The following JMY variants were observed in gnomAD, a reference collection of about 807,000 sequenced individuals.
The protein encoded by JMY is junction-mediating and -regulatory protein.
JMY carries 46 observed loss-of-function variants against 103.3 expected under a neutral mutation model. That is an observed-to-expected ratio of 0.45 (90% CI 0.35 to 0.57). JMY has a LOEUF of 0.57. JMY is among the 20% of genes least tolerant of loss of function. JMY has a pLI of 0.00. For missense variants in JMY, 1,238 were observed against 1,255.2 expected (o/e 0.99, Z 0.21); for synonymous variants, 526 against 489.3 (o/e 1.07, Z -0.99).
intron 2 of JMY, among the ~76,000 whole-genome samples, chr5:79,280,974 AGTT>A (rs1746088987): frequency 6.6e-6 from 1 of 151,202 alleles, no homozygotes; most frequent in Non-Finnish European, 1.5e-5. Context: ...TTAGCAAAGT[AGTT>A]GTTTTAAGTA....
At chr5:79,265,652 C>T (rs951136558) in intron 1 of JMY, among the ~76,000 whole-genome samples, 2 of 152,136 alleles carry the variant, frequency 1.3e-5, no homozygotes, top group African/African-American at 2.4e-5. Flanking sequence ...GGGCTTACTG[C>T]TTATTAGAAT....
rs756046634 is a variant in JMY, at chr5:79,278,014, C to G, written c.1137C>G (p.Leu379=). ...GCCTTGCAGAAGCTACAACCGAACT[C>G]TATCAGTATTTACTACAGCCATTCC... ...YSSLAEATTE[L]YQYLLQPFRD... The change falls in exon 2 of 11, where the codon CTC becomes CTG. Residue 379 remains leucine (L), a synonymous_variant. Coordinates refer to ENST00000396137, the MANE Select transcript of JMY (RefSeq NM_152405.5). 20 of 1,613,944 alleles carry G rather than the reference C, an allele frequency of 1.2e-5. No homozygotes were observed. Among genetic ancestry groups the G allele is most frequent in the Non-Finnish European group, 1.7e-5 (20 of 1,179,982 alleles).
intron 8 of JMY, among the ~76,000 whole-genome samples, chr5:79,313,769 A>G (rs763199602): frequency 6.6e-6 from 1 of 152,146 alleles, no homozygotes; most frequent in Non-Finnish European, 1.5e-5. Context: ...CGTGGATTTG[A>G]TAGGCAAATA....
At position 79,322,899 on chromosome 5, in the gene JMY, A is replaced by AT. The variant is rs1178923097; in HGVS notation, c.*1299dup. The AT allele has an allele frequency of 6.6e-6, 1 of 152,222 alleles. No individual in the cohort carries two copies. Among genetic ancestry groups the AT allele is most frequent in the Non-Finnish European group, 1.5e-5 (1 of 68,048 alleles). The allele number at this position is 152,222 out of a possible 1,614,324, so 9.4% of individuals were successfully genotyped here. Reference sequence around the variant, plus strand: ...AAATCACTTTATTTCTTTTAAGACAATTATCTGGCCTAAACCCAGAAAGCA... The same window carrying AT: ...AAATCACTTTATTTCTTTTAAGACAATTTATCTGGCCTAAACCCAGAAAGCA... On this transcript the variant is annotated 3_prime_UTR_variant, in exon 11 of 11. Coordinates refer to ENST00000396137, the MANE Select transcript of JMY (RefSeq NM_152405.5).
chr5:79,277,951 T>C lies in JMY; in HGVS notation c.1074T>C (p.Leu358=), dbSNP rs199532823. The C allele has an allele frequency of 1.0e-4, 168 of 1,614,008 alleles. 2 individuals are homozygous for C. In the African/African-American group the frequency reaches 2.1e-3, roughly 20 times the overall value. Reference sequence around the variant, plus strand: ...AGAATACAGAGAGCATGGTGGAGCTTCTGGACTTGTATCAGATGGAGGATG... The same window carrying C: ...AGAATACAGAGAGCATGGTGGAGCTCCTGGACTTGTATCAGATGGAGGATG... ...KHKNTESMVE[L]LDLYQMEDEA... The change falls in exon 2 of 11, where the codon CTT becomes CTC. Residue 358 remains leucine (L), a synonymous_variant. Coordinates refer to ENST00000396137, the MANE Select transcript of JMY (RefSeq NM_152405.5).
chr5:79,312,596 G>T, intron 8 of JMY, 98 bp downstream of exon 8: 2 of 570,604 alleles, frequency 3.5e-6, no homozygotes, highest in Non-Finnish European at 5.8e-6. Context: ...GAAAAACTTG[G>T]TTTTCCCTTA....
intron 1 of JMY, among the ~76,000 whole-genome samples, chr5:79,252,547 C>T (rs528394238): frequency 7.2e-5 from 11 of 152,182 alleles, no homozygotes; most frequent in African/African-American, 1.9e-4. Flanking sequence ...ATCTGTCCTG[C>T]GCTGAAAGTG....
chr5:79,312,388 T>C lies in JMY; in HGVS notation c.1969-15T>C. The C allele has an allele frequency of 6.9e-7, 1 of 1,447,866 alleles. No homozygotes were observed. 89.7% of individuals were successfully genotyped at this position (1,447,866 alleles called of 1,614,324 possible). A position where few individuals can be genotyped will look rare whatever the true frequency, so the allele number is the denominator to read the frequency against. ...GGGACACAGCATAATGGAATTATTA[T>C]TAATTTTTTACCAGAAGAGAGAAAA... is the stretch of plus-strand genomic sequence containing the variant. On this transcript the variant is annotated splice_polypyrimidine_tract_variant and intron_variant, in intron 7 of 10. Transcript: ENST00000396137.
At position 79,270,419 on chromosome 5, in the gene JMY, A is replaced by G. The variant is rs187394953; in HGVS notation, c.1033-7491A>G. ...ATATATTTACATAAATATTTAAAAT[A>G]TATATTTACATAAATATTTAAAATA... On this transcript the variant is annotated intron_variant, in intron 1 of 10. Transcript: ENST00000396137. Among the ~76,000 whole-genome samples, 285 of 46,412 alleles carry G rather than the reference A, an allele frequency of 6.1e-3. 38 individuals are homozygous for G. Among genetic ancestry groups the G allele is most frequent in the African/African-American group, 0.023 (254 of 11,156 alleles). 30.4% of individuals were successfully genotyped at this position (46,412 alleles called of 152,430 possible).
chr5:79,326,145 G>C lies in JMY; in HGVS notation c.*4543G>C, dbSNP rs1367578926. ...ATGTTATTTCACACTGAATCTCAAA[G>C]CAGTCATTTGTTTTGCGGGTTAGGG... On this transcript the variant is annotated 3_prime_UTR_variant, in exon 11 of 11. Coordinates refer to ENST00000396137, the MANE Select transcript of JMY (RefSeq NM_152405.5). 1.3e-5 allele frequency: 2 copies of C among 152,068 alleles called. No homozygotes were observed. Among genetic ancestry groups the C allele is most frequent in the East Asian group, 3.9e-4 (2 of 5,190 alleles). The allele number at this position is 152,068 out of a possible 1,614,324, so 9.4% of individuals were successfully genotyped here.
At chr5:79,300,940 C>G in intron 6 of JMY, 77 bp downstream of exon 6, 1 of 1,264,690 alleles carries the variant, frequency 7.9e-7, no homozygotes. Context: ...GTCTTTAAAA[C>G]TTGCTTATGT....
In JMY at chr5:79,258,337, G is replaced by T. The variant is rs1163217701; in HGVS notation, c.1033-19573G>T. Among the ~76,000 whole-genome samples, 114 of 134,280 alleles carry T rather than the reference G, an allele frequency of 8.5e-4. 1 individual carries two copies. Among genetic ancestry groups the T allele is most frequent in the African/African-American group, 2.9e-3 (108 of 37,288 alleles). The allele number at this position is 134,280 out of a possible 152,430, so 88.1% of individuals were successfully genotyped here. A position where few individuals can be genotyped will look rare whatever the true frequency, so the allele number is the denominator to read the frequency against. ...TTGTTTTTTTTTTTTTTTTGACAGG[G>T]TCTCCCTCTGGCTGGAGTACAGTGG... On this transcript the variant is annotated intron_variant, in intron 1 of 10. Coordinates refer to ENST00000396137, the MANE Select transcript of JMY (RefSeq NM_152405.5).
At chr5:79,250,650 C>CT (rs200738584) in intron 1 of JMY, among the ~76,000 whole-genome samples, 3,511 of 122,608 alleles carry the variant, frequency 0.029, 94 homozygotes, top group African/African-American at 0.073. Flanking sequence ...AATTATTTTT[C>CT]TTTTTTTTTT....
intron 1 of JMY, among the ~76,000 whole-genome samples, chr5:79,268,735 G>A (rs537634103): frequency 4.6e-5 from 7 of 152,000 alleles, no homozygotes; most frequent in South Asian, 2.1e-4. Context: ...TGATCCACCC[G>A]CCTCGGCTTC....
At chr5:79,252,204 T>C (rs1045411160) in intron 1 of JMY, among the ~76,000 whole-genome samples, 1 of 152,234 alleles carries the variant, frequency 6.6e-6, no homozygotes. Context: ...TCCTTCTTAA[T>C]TTCTTCATTG....
At chr5:79,275,737 A>T (rs1485884277) in intron 1 of JMY, among the ~76,000 whole-genome samples, 4 of 152,218 alleles carry the variant, frequency 2.6e-5, no homozygotes, top group Non-Finnish European at 1.5e-5. Flanking sequence ...AATTCTCCAT[A>T]TTAGTTTTAA....
intron 1 of JMY, among the ~76,000 whole-genome samples, chr5:79,268,997 A>G (rs1044214368): frequency 1.3e-5 from 2 of 152,168 alleles, no homozygotes; most frequent in South Asian, 2.1e-4. Context: ...GCAGAGCAGA[A>G]GTTAAATGAA....
chr5:79,268,250 C>T (rs1262826873), intron 1 of JMY, among the ~76,000 whole-genome samples: 5 of 152,094 alleles, frequency 3.3e-5, no homozygotes, highest in Non-Finnish European at 1.5e-5. Flanking sequence ...GTCTATCTCT[C>T]AGTCATCTAT....
chr5:79,319,725 C>G (rs184298660), intron 10 of JMY, among the ~76,000 whole-genome samples: 1 of 151,848 alleles, frequency 6.6e-6, no homozygotes, highest in African/African-American at 2.4e-5. Flanking sequence ...GGATTATAGG[C>G]GTGTGTTACC....
Sources: allele counts gnomAD v4.1 joint callset (sites outside exome capture counted in the v4.1 genomes callset), GRCh38; gene constraint gnomAD v4.1.1; transcripts MANE v1.5; gene names NCBI Gene and HGNC (gene_info 2026-07-23, HGNC 2026-07-21).